Variants in SCAI observed in about 807,000 individuals in gnomAD.
SCAI encodes the protein protein SCAI.
Under a neutral mutation model 92.2 loss-of-function variants are expected in SCAI, and 24 were observed. That is an observed-to-expected ratio of 0.26 (90% confidence interval 0.19 to 0.37). The LOEUF (loss-of-function observed/expected upper bound fraction) is 0.37. Among genes scored for constraint, SCAI ranks in the 10% least tolerant of loss-of-function variants. The pLI is 1.00. For missense variants in SCAI, 450 were observed against 736.2 expected (o/e 0.61, Z 4.50); for synonymous variants, 261 against 258.6 (o/e 1.01, Z -0.09).
intron 14 of SCAI, among the ~76,000 whole-genome samples, chr9:124,986,477 C>T (rs1005012051): frequency 2.0e-5 from 3 of 151,930 alleles, no homozygotes; most frequent in Non-Finnish European, 4.4e-5. Flanking sequence ...AAATCTCAAC[C>T]AAAGAAACAA....
chr9:125,073,126 A>T, intron 2 of SCAI, among the ~76,000 whole-genome samples: 1 of 51,706 alleles, frequency 1.9e-5, no homozygotes, highest in South Asian at 6.5e-4. Context: ...TTTTTTTGAG[A>T]CGGAGTCTCG....
At position 125,053,388 on chromosome 9, in the gene SCAI, G is replaced by T. The variant is rs150927227; in HGVS notation, c.230+2488C>A. 1.5e-3 allele frequency among the ~76,000 whole-genome samples: 233 copies of T among 152,132 alleles called. No homozygotes were observed. In the Middle Eastern group the frequency reaches 0.017, roughly 11 times the overall value. ...AAAACTTGTATACAAATGTTCACAGGACTATTATTCTTGATAGCCAAAAAA... is the reference window on the plus strand; with the variant it reads ...AAAACTTGTATACAAATGTTCACAGTACTATTATTCTTGATAGCCAAAAAA... On this transcript the variant is annotated intron_variant, in intron 3 of 17. Coordinates refer to ENST00000336505, the MANE Select transcript of SCAI (RefSeq NM_001144877.3).
At chr9:125,005,122 A>C (rs774086499) in intron 9 of SCAI, among the ~76,000 whole-genome samples, 2 of 151,794 alleles carry the variant, frequency 1.3e-5, no homozygotes, top group African/African-American at 2.4e-5. Flanking sequence ...TCTTCCATAC[A>C]TTTTGGCACT....
chr9:125,073,092 A>ATTTTTTT (rs764858681), intron 2 of SCAI, among the ~76,000 whole-genome samples: 1,382 of 72,480 alleles, frequency 0.019, 172 homozygotes, highest in East Asian at 0.025. Context: ...TCTATTTTTA[A>ATTTTTTT]TTTTTTTTTT....
chr9:124,991,176 A>T (rs150690703), intron 14 of SCAI, among the ~76,000 whole-genome samples: 1,932 of 152,022 alleles, frequency 0.013, 49 homozygotes, highest in African/African-American at 0.044. Flanking sequence ...AACATGGGGA[A>T]ATCCCATCTC....
At chr9:125,113,344 A>G (rs1025630958) in intron 2 of SCAI, among the ~76,000 whole-genome samples, 1 of 152,208 alleles carries the variant, frequency 6.6e-6, no homozygotes, top group Non-Finnish European at 1.5e-5. Context: ...CACAAATCCC[A>G]GTTGAGACAT....
rs1240610565 is a variant in SCAI at position 124,949,424 on chromosome 9, A to AAT, written c.*3381_*3382dup. The AAT allele has an allele frequency of 6.6e-6, 1 of 152,246 alleles. No individual in the cohort carries two copies. The highest frequency in any genetic ancestry group is 1.5e-5 in the Non-Finnish European group (1 of 68,040). 9.4% of individuals were successfully genotyped at this position (152,246 alleles called of 1,614,324 possible). On this transcript the variant is annotated 3_prime_UTR_variant, in exon 18 of 18. Coordinates refer to ENST00000336505, the MANE Select transcript of SCAI (RefSeq NM_001144877.3). This position sits in a 1 kb window ranked among gnomAD's most constrained non-coding sequence, Gnocchi z 4.0. The stretch of plus-strand genomic sequence containing the variant: ...AAAGAAAAGGCAAAGTGTTCATGCA[A>AAT]ATGTGACCTTCCTAATGAAGCCTAC...
intron 2 of SCAI, among the ~76,000 whole-genome samples, chr9:125,114,974 T>C (rs1220267920): frequency 1.3e-5 from 2 of 152,002 alleles, no homozygotes; most frequent in Non-Finnish European, 2.9e-5. Flanking sequence ...GGTTTTGCCA[T>C]GATGGCCAGG....
chr9:125,067,580 AG>A (rs1833900291), intron 2 of SCAI, among the ~76,000 whole-genome samples: 1 of 152,248 alleles, frequency 6.6e-6, no homozygotes, highest in Non-Finnish European at 1.5e-5. Flanking sequence ...TGAGTCGCTA[AG>A]AAGGAACCAA....
Position 125,032,704 on chromosome 9 carries a change from C to T in SCAI, c.231-2965G>A, listed in dbSNP as rs187856904. Among the ~76,000 whole-genome samples, 31 of 151,314 alleles carry T rather than the reference C, an allele frequency of 2.0e-4. 1 individual carries two copies. The highest frequency in any genetic ancestry group is 1.8e-3 in the Admixed American group (27 of 15,170). On this transcript the variant is annotated intron_variant, in intron 3 of 17. Coordinates refer to ENST00000336505, the MANE Select transcript of SCAI (RefSeq NM_001144877.3). ...CCTCAGCTCACTTCAACCTCCGCCT[C>T]CTGGGTTCAAGTGATTCTCCTACCT...
intron 2 of SCAI, among the ~76,000 whole-genome samples, chr9:125,112,589 C>T (rs1834954578): frequency 1.3e-5 from 2 of 152,268 alleles, no homozygotes; most frequent in South Asian, 4.1e-4. Flanking sequence ...TATAAATAAC[C>T]AATAAACATA....
intron 17 of SCAI, among the ~76,000 whole-genome samples, chr9:124,958,409 T>C (rs1196490639): frequency 2.0e-5 from 3 of 152,220 alleles, no homozygotes; most frequent in African/African-American, 7.2e-5. Context: ...GAAATATCCT[T>C]ATACATATAT....
intron 2 of SCAI, among the ~76,000 whole-genome samples, chr9:125,110,418 G>A (rs957150429): frequency 6.6e-6 from 1 of 152,200 alleles, no homozygotes; most frequent in Non-Finnish European, 1.5e-5. Context: ...ACTGAGGTGG[G>A]AGGATCACTT....
intron 14 of SCAI, among the ~76,000 whole-genome samples, 167 bp from the exon 15 acceptor site, chr9:124,976,353 C>T (rs1831753839): frequency 6.6e-6 from 1 of 152,176 alleles, no homozygotes; most frequent in Non-Finnish European, 1.5e-5. Flanking sequence ...ATATAAGTAC[C>T]ATGCATAATA....
chr9:124,976,316 G>A (rs2131594126), intron 14 of SCAI, 130 bp from the exon 15 acceptor site: 2 of 649,856 alleles, frequency 3.1e-6, no homozygotes, highest in East Asian at 2.8e-5. Flanking sequence ...AGAAACATCA[G>A]CAACAGCTAA....
rs1419377676 is a variant in SCAI, at chr9:125,081,466, C to G, written c.99-25459G>C. ...GGCATTTTGCCCCTACCCTGGAGATCTGTGGAACTTTGACCTTGACAGAGA... is the reference window on the plus strand; with the variant it reads ...GGCATTTTGCCCCTACCCTGGAGATGTGTGGAACTTTGACCTTGACAGAGA... On this transcript the variant is annotated intron_variant, in intron 2 of 17. Transcript: ENST00000336505. Among the ~76,000 whole-genome samples the G allele has an allele frequency of 2.0e-5, 3 of 152,196 alleles. No homozygotes were observed. The East Asian group carries it at 5.8e-4, about 29-fold the overall frequency.
At chr9:124,993,659 G>T (rs1047541027) in intron 14 of SCAI, among the ~76,000 whole-genome samples, 2 of 152,186 alleles carry the variant, frequency 1.3e-5, no homozygotes, top group Non-Finnish European at 2.9e-5. Flanking sequence ...TGAACAAAAT[G>T]AGTAGGAGGA....
intron 17 of SCAI, among the ~76,000 whole-genome samples, chr9:124,967,226 C>T (rs1383872547): frequency 2.0e-5 from 3 of 152,166 alleles, no homozygotes; most frequent in Non-Finnish European, 2.9e-5. Context: ...ACACCAATAA[C>T]AATGTTTCCT....
chr9:125,127,689 A>G (rs1441513191), intron 2 of SCAI, among the ~76,000 whole-genome samples: 1 of 152,192 alleles, frequency 6.6e-6, no homozygotes, highest in African/African-American at 2.4e-5. Context: ...GGTTTCAAAG[A>G]AAGTTCCAAA....
Sources: allele counts gnomAD v4.1 joint callset (sites outside exome capture counted in the v4.1 genomes callset), GRCh38; gene constraint gnomAD v4.1.1; non-coding constraint Gnocchi (gnomAD v3.1); transcripts MANE v1.5; gene names NCBI Gene and HGNC (gene_info 2026-07-23, HGNC 2026-07-21).